The following PACRG variants were observed in gnomAD, a reference collection of about 807,000 sequenced individuals.
PACRG encodes parkin coregulated, also known as parkin coregulated gene protein.
Under a neutral mutation model 29.7 loss-of-function variants are expected in PACRG, and 29 were observed. The observed-to-expected ratio is 0.98, with a 90% CI of 0.73 to 1.33. The LOEUF (loss-of-function observed/expected upper bound fraction) is 1.33, where lower values mean the gene tolerates loss of function less well. PACRG is among the 40% of genes most tolerant of loss of function. PACRG has a pLI of 0.00. For missense variants in PACRG, 279 were observed against 316.2 expected (o/e 0.88, Z 0.89); for synonymous variants, 116 against 118.7 (o/e 0.98, Z 0.15).
chr6:163,272,474 T>G (rs1783868750), intron 4 of PACRG, among the ~76,000 whole-genome samples: 1 of 152,200 alleles, frequency 6.6e-6, no homozygotes, highest in African/African-American at 2.4e-5. Flanking sequence ...TTCCCAAGTT[T>G]TTTACCTCAA....
chr6:163,046,830 T>C (rs1024097418), intron 2 of PACRG: 2 of 152,230 alleles, frequency 1.3e-5, no homozygotes, highest in African/African-American at 2.4e-5. Flanking sequence ...TTTTTTGCTT[T>C]AGCAAAATTT....
At position 163,055,761 on chromosome 6, in the gene PACRG, C is replaced by T. The variant is rs138517271; in HGVS notation, c.292-6389C>T. Among the ~76,000 whole-genome samples, 852 of 152,252 alleles carry T rather than the reference C, an allele frequency of 5.6e-3. 3 individuals are homozygous for T. Among genetic ancestry groups the T allele is most frequent in the Middle Eastern group, 0.031 (9 of 294 alleles). ...TTCAGTGGCAGTAAGTACTCTCATA[C>T]AGTGTGACCATGACCACCATCTAGT... On this transcript the variant is annotated intron_variant, in intron 2 of 4. Coordinates refer to ENST00000366888, the MANE Select transcript of PACRG (RefSeq NM_001080379.2). The surrounding 1 kb of genome is among the most constrained non-coding windows in gnomAD (Gnocchi z 4.0).
intron 4 of PACRG, among the ~76,000 whole-genome samples, chr6:163,147,288 T>G (rs1562938880): frequency 6.6e-6 from 1 of 152,216 alleles, no homozygotes; most frequent in East Asian, 1.9e-4. Context: ...ACACATATAT[T>G]TATTTCTCAA....
At chr6:163,051,010 T>G (rs1435071023) in intron 2 of PACRG, among the ~76,000 whole-genome samples, 1 of 152,224 alleles carries the variant, frequency 6.6e-6, no homozygotes, top group Non-Finnish European at 1.5e-5. Context: ...GTCTTGGGAC[T>G]CCCTGCGATC....
At chr6:163,200,479 G>A (rs1325586976) in intron 4 of PACRG, among the ~76,000 whole-genome samples, 2 of 151,964 alleles carry the variant, frequency 1.3e-5, no homozygotes, top group African/African-American at 4.8e-5. Flanking sequence ...AAACGCCAAG[G>A]GTATGAACGT....
At chr6:162,974,432 C>T (rs1267343369) in intron 2 of PACRG, among the ~76,000 whole-genome samples, 1 of 152,146 alleles carries the variant, frequency 6.6e-6, no homozygotes, top group Admixed American at 6.5e-5. Context: ...ACATTACTGT[C>T]ATCACAAATT....
intron 4 of PACRG, among the ~76,000 whole-genome samples, chr6:163,200,333 G>T (rs1288622352): frequency 6.6e-6 from 1 of 151,974 alleles, no homozygotes; most frequent in Non-Finnish European, 1.5e-5. Flanking sequence ...CCTGAGGATG[G>T]GACCACCCAG....
intron 1 of PACRG, among the ~76,000 whole-genome samples, chr6:162,793,695 A>T (rs939190686): frequency 1.3e-5 from 2 of 152,226 alleles, no homozygotes; most frequent in Non-Finnish European, 2.9e-5. Flanking sequence ...TATGGAATTT[A>T]ATAATTAGTC....
chr6:162,959,420 C>A (rs1432881250), intron 2 of PACRG, among the ~76,000 whole-genome samples: 1 of 151,870 alleles, frequency 6.6e-6, no homozygotes, highest in Non-Finnish European at 1.5e-5. Context: ...GGAGACCTGC[C>A]GTGCATGGAG....
Position 163,055,522 on chromosome 6 carries a change from T to G in PACRG, c.292-6628T>G, listed in dbSNP as rs892293217. Among the ~76,000 whole-genome samples, 4 of 152,306 alleles carry G rather than the reference T, an allele frequency of 2.6e-5. No homozygotes were observed. Among genetic ancestry groups the G allele is most frequent in the African/African-American group, 9.6e-5 (4 of 41,570 alleles). ...TATAATAAAAAGGAACCCTGGAAGA[T>G]ATGTAAAAGGAATTTACATACAAAA... On this transcript the variant is annotated intron_variant, in intron 2 of 4. Transcript: ENST00000366888. This position sits in a 1 kb window ranked among gnomAD's most constrained non-coding sequence, Gnocchi z 4.0.
In PACRG at chr6:163,315,116, G is replaced by T. The variant is rs886776130; in HGVS notation, c.*129G>T. The T allele has an allele frequency of 2.7e-6, 3 of 1,104,082 alleles. No individual in the cohort carries two copies. The highest frequency in any genetic ancestry group is 3.9e-6 in the Non-Finnish European group (3 of 775,082). The allele number at this position is 1,104,082 out of a possible 1,614,324, so 68.4% of individuals were successfully genotyped here. ...TACAGCTGCTAAAATAGTGGCTTATGGGCCATTGGACTGTTAGCCCTATTG... is the reference window on the plus strand; with the variant it reads ...TACAGCTGCTAAAATAGTGGCTTATTGGCCATTGGACTGTTAGCCCTATTG... On this transcript the variant is annotated 3_prime_UTR_variant, in exon 5 of 5. Coordinates refer to ENST00000366888, the MANE Select transcript of PACRG (RefSeq NM_001080379.2).
chr6:163,213,326 A>G (rs569664714), intron 4 of PACRG, among the ~76,000 whole-genome samples: 120 of 152,288 alleles, frequency 7.9e-4, no homozygotes, highest in African/African-American at 2.8e-3. Context: ...ACAAAACAAA[A>G]CTGAAGAACT....
At chr6:163,235,277 T>C (rs1782191520) in intron 4 of PACRG, among the ~76,000 whole-genome samples, 1 of 152,186 alleles carries the variant, frequency 6.6e-6, no homozygotes, top group African/African-American at 2.4e-5. Context: ...CTAATGATAA[T>C]CCTGAAGCAT....
intron 3 of PACRG, among the ~76,000 whole-genome samples, chr6:163,063,451 G>T (rs1367557210): frequency 6.6e-6 from 1 of 152,202 alleles, no homozygotes; most frequent in African/African-American, 2.4e-5. Context: ...GTGAGCTCTT[G>T]CCGTGTGCTT....
chr6:163,026,867 G>A (rs575641808), intron 2 of PACRG, among the ~76,000 whole-genome samples: 1 of 152,352 alleles, frequency 6.6e-6, no homozygotes, highest in Non-Finnish European at 1.5e-5. Flanking sequence ...GCAAATTAGG[G>A]TGATCCAGAA....
intron 4 of PACRG, among the ~76,000 whole-genome samples, chr6:163,242,539 A>G (rs143982592): frequency 8.9e-4 from 136 of 152,372 alleles, no homozygotes; most frequent in African/African-American, 2.8e-3. Flanking sequence ...AAAAGAGCCA[A>G]AAAGTGAGAG....
chr6:162,898,438 A>G (rs1432580707), intron 2 of PACRG, among the ~76,000 whole-genome samples: 1 of 152,218 alleles, frequency 6.6e-6, no homozygotes, highest in African/African-American at 2.4e-5. Context: ...GGATATTGTT[A>G]TGGTAAAATA....
chr6:163,177,737 T>TTTTTTTTTTTTTG (rs1779447560), intron 4 of PACRG, among the ~76,000 whole-genome samples: 4 of 141,814 alleles, frequency 2.8e-5, no homozygotes, highest in Admixed American at 7.0e-5. Flanking sequence ...TTTTTTTTTT[T>TTTTTTTTTTTTTG]GCGGGTGGGA....
chr6:163,032,834 T>C (rs1807794985), intron 2 of PACRG, among the ~76,000 whole-genome samples: 1 of 152,224 alleles, frequency 6.6e-6, no homozygotes, highest in South Asian at 2.1e-4. Flanking sequence ...GTAAGATTCT[T>C]ATAAACCTTT....
Sources: allele counts gnomAD v4.1 joint callset (sites outside exome capture counted in the v4.1 genomes callset), GRCh38; gene constraint gnomAD v4.1.1; non-coding constraint Gnocchi (gnomAD v3.1); transcripts MANE v1.5; gene names NCBI Gene and HGNC (gene_info 2026-07-23, HGNC 2026-07-21).